Variants in KLF8 observed in about 807,000 individuals in gnomAD.
KLF8 encodes the protein KLF transcription factor 8.
Under a neutral mutation model 18.2 loss-of-function variants are expected in KLF8, and 10 were observed. The ratio of observed to expected loss-of-function variants is 0.55; its 90% CI spans 0.34 to 0.93. KLF8 has a LOEUF of 0.93. Ranked by LOEUF, KLF8 falls within the 40% of genes least tolerant of loss-of-function variation. The probability of loss-of-function intolerance (pLI) is 0.02; values close to 1 mark genes in which losing one functional copy is unlikely to be tolerated. For synonymous variants in KLF8, 109 were observed against 97.3 expected, an observed-to-expected ratio of 1.12 and a Z score of -0.71; for missense variants, 264 against 277.9, an observed-to-expected ratio of 0.95 and a Z score of 0.36.
the KLF8 span, among the ~76,000 whole-genome samples, chrX:56,078,644 A>T: frequency 8.9e-6 from 1 of 112,027 alleles, no homozygotes. Flanking sequence ...TATCAGGATG[A>T]TGCTAGCCTC....
At chrX:55,993,410 G>T in the KLF8 span, among the ~76,000 whole-genome samples, 2 of 112,004 alleles carry the variant, frequency 1.8e-5, no homozygotes, top group African/African-American at 6.5e-5. Flanking sequence ...TTATTGATTT[G>T]CATATGTTGA....
At chrX:56,180,750 G>C in the KLF8 span, among the ~76,000 whole-genome samples, 18 of 111,785 alleles carry the variant, frequency 1.6e-4, no homozygotes, top group Non-Finnish European at 3.0e-4. Flanking sequence ...AAGTAGTTCA[G>C]TTTCCATATA....
At chrX:56,224,812 A>G in the KLF8 span, among the ~76,000 whole-genome samples, 2 of 111,846 alleles carry the variant, frequency 1.8e-5, no homozygotes, top group Non-Finnish European at 3.8e-5. Context: ...AAATTTATTT[A>G]CCACAGTTCT....
the KLF8 span, among the ~76,000 whole-genome samples, chrX:56,072,512 C>T: frequency 9.0e-6 from 1 of 111,219 alleles, no homozygotes; most frequent in African/African-American, 3.3e-5. Flanking sequence ...AAAATTCCCC[C>T]GCTAATATTA....
chrX:56,000,491 G>GATTTTTTTTT, the KLF8 span, among the ~76,000 whole-genome samples: 1 of 36,459 alleles, frequency 2.7e-5, no homozygotes, highest in Non-Finnish European at 6.0e-5. Flanking sequence ...GGGGGGGAGG[G>GATTTTTTTTT]ATTTTTTTTT....
chrX:56,056,063 G>A, the KLF8 span, among the ~76,000 whole-genome samples: 2 of 111,448 alleles, frequency 1.8e-5, no homozygotes, highest in East Asian at 5.6e-4. Flanking sequence ...TTTTATTTCT[G>A]TCATTTCAGC....
the KLF8 span, among the ~76,000 whole-genome samples, chrX:56,071,026 G>A: frequency 9.0e-6 from 1 of 111,540 alleles, no homozygotes; most frequent in Non-Finnish European, 1.9e-5. Flanking sequence ...TTCAAAGCAG[G>A]CTGAAGTGCC....
the KLF8 span, among the ~76,000 whole-genome samples, chrX:56,141,632 A>G: frequency 1.8e-5 from 2 of 111,171 alleles, no homozygotes; most frequent in South Asian, 3.7e-4. Flanking sequence ...CTGTGAATTT[A>G]TGGTATCTTT....
the KLF8 span, among the ~76,000 whole-genome samples, chrX:56,083,775 G>A: frequency 9.0e-6 from 1 of 111,240 alleles, no homozygotes; most frequent in Non-Finnish European, 1.9e-5. Flanking sequence ...TCTCATAGGA[G>A]TGTGTACCCT....
the KLF8 span, among the ~76,000 whole-genome samples, chrX:56,137,423 C>T: frequency 9.5e-6 from 1 of 105,272 alleles, no homozygotes; most frequent in Non-Finnish European, 2.0e-5. Context: ...TACTATGCAG[C>T]CATAAAAAAT....
chrX:56,135,413 A>T, the KLF8 span, among the ~76,000 whole-genome samples: 1 of 110,873 alleles, frequency 9.0e-6, no homozygotes, highest in Non-Finnish European at 1.9e-5. Context: ...GACATGGATG[A>T]AATTGGAAAC....
At chrX:56,079,718 T>C in the KLF8 span, among the ~76,000 whole-genome samples, 1 of 111,188 alleles carries the variant, frequency 9.0e-6, no homozygotes, top group Non-Finnish European at 1.9e-5. Flanking sequence ...ACTTTCTGTC[T>C]TGTTGATCTG....
chrX:56,077,012 T>A, the KLF8 span, among the ~76,000 whole-genome samples: 2 of 111,898 alleles, frequency 1.8e-5, no homozygotes, highest in African/African-American at 6.5e-5. Context: ...TGTAAATTTG[T>A]TTGAGTTCAT....
chrX:56,157,482 T>G, the KLF8 span, among the ~76,000 whole-genome samples: 1 of 111,221 alleles, frequency 9.0e-6, no homozygotes, highest in Admixed American at 9.5e-5. Flanking sequence ...TCCATAATGG[T>G]TTAACTAGTT....
chrX:56,021,418 A>G, the KLF8 span, among the ~76,000 whole-genome samples: 1 of 111,528 alleles, frequency 9.0e-6, no homozygotes, highest in Non-Finnish European at 1.9e-5. Flanking sequence ...TTAAAATAAT[A>G]AAAGCTGTAT....
At chrX:56,028,775 C>T in the KLF8 span, among the ~76,000 whole-genome samples, 58 of 111,213 alleles carry the variant, frequency 5.2e-4, no homozygotes, top group East Asian at 0.016. Context: ...TTCTCAGGAG[C>T]TAGTCTAATG....
At chrX:56,235,648 T>C (rs1019285657) in intron 1 of KLF8, among the ~76,000 whole-genome samples, 7 of 110,653 alleles carry the variant, frequency 6.3e-5, no homozygotes, top group African/African-American at 2.3e-4. Context: ...ACTCCCAACC[T>C]CAGGTGATCC....
chrX:55,985,745 G>T, the KLF8 span, among the ~76,000 whole-genome samples: 2 of 110,298 alleles, frequency 1.8e-5, no homozygotes, highest in African/African-American at 6.6e-5. Flanking sequence ...CACAATATCA[G>T]TTCTTCCTAT....
At chrX:56,058,313 T>TACATAC in the KLF8 span, among the ~76,000 whole-genome samples, 1 of 76,586 alleles carries the variant, frequency 1.3e-5, no homozygotes, top group Non-Finnish European at 2.4e-5. Flanking sequence ...TATATATATA[T>TACATAC]ATATATATAG....
Sources: gnomAD v4.1 joint callset for allele counts (sites outside exome capture counted in the v4.1 genomes callset) on GRCh38, gnomAD v4.1.1 for gene constraint, MANE v1.5 for transcripts, NCBI Gene and HGNC (gene_info 2026-07-23, HGNC 2026-07-21) for gene names.